DPYS: variants seen among roughly 807,000 people sequenced by gnomAD.
DPYS encodes dihydropyrimidinase.
A neutral mutation model predicts 50.3 loss-of-function variants in DPYS; 39 were observed. The observed-to-expected ratio is 0.78, with a 90% CI of 0.60 to 1.01. The LOEUF (loss-of-function observed/expected upper bound fraction) is 1.01. Ranked by LOEUF, DPYS falls within the 50% of genes least tolerant of loss-of-function variation. DPYS has a pLI of 0.00. For missense variants in DPYS, 659 were observed against 680.9 expected (o/e 0.97, Z 0.36); for synonymous variants, 245 against 250.7 (o/e 0.98, Z 0.22).
At chr8:104,447,588 A>G (rs949484776) in intron 2 of DPYS, 85 bp from the exon 3 acceptor site, 1 of 1,466,800 alleles carries the variant, frequency 6.8e-7, no homozygotes, top group Non-Finnish European at 9.5e-7. Context: ...TTGCATTCGG[A>G]AGAGAACTAA....
At chr8:104,408,943 A>G (rs1435710997) in intron 7 of DPYS, among the ~76,000 whole-genome samples, 1 of 151,628 alleles carries the variant, frequency 6.6e-6, no homozygotes, top group African/African-American at 2.4e-5. Context: ...CCTCCCAGGT[A>G]GCTCGGATTA....
At position 104,426,789 on chromosome 8, in the gene DPYS, G is replaced by A. The variant is rs893186733; in HGVS notation, c.1092+1191C>T. 5.9e-5 allele frequency among the ~76,000 whole-genome samples: 9 copies of A among 152,312 alleles called. No individual in the cohort carries two copies. In the East Asian group the frequency reaches 7.7e-4, roughly 13 times the overall value. ...ACATTTAGTCATGTGATTCTTCTCC[G>A]TCCTCAGGGAGAAGTTTTGTAGTCA... On this transcript the variant is annotated intron_variant, in intron 6 of 9. Transcript: ENST00000351513.
intron 7 of DPYS, among the ~76,000 whole-genome samples, chr8:104,397,362 G>A (rs1469110607): frequency 1.3e-5 from 2 of 152,206 alleles, no homozygotes; most frequent in Non-Finnish European, 2.9e-5. Context: ...CACATGCTAG[G>A]TGCTTTATAA....
intron 7 of DPYS, among the ~76,000 whole-genome samples, chr8:104,405,823 G>GCTGGAGGGGGTGGAGGGGAGCAGCGCC (rs1811978060): frequency 6.6e-6 from 1 of 152,234 alleles, no homozygotes; most frequent in Non-Finnish European, 1.5e-5. Flanking sequence ...GGACATCCAT[G>GCTGGAGGGGGTGGAGGGGAGCAGCGCC]CTGGAGGGGG....
chr8:104,461,245 T>C (rs968957023), intron 1 of DPYS, among the ~76,000 whole-genome samples: 33 of 150,532 alleles, frequency 2.2e-4, no homozygotes, highest in Middle Eastern at 3.4e-3. Flanking sequence ...GTGAGCTGGA[T>C]TGCACCACTG....
chr8:104,461,291 C>CAATAAAATAAAATAA (rs5893688), intron 1 of DPYS, among the ~76,000 whole-genome samples: 8,025 of 110,122 alleles, frequency 0.073, 456 homozygotes, highest in Non-Finnish European at 0.089. Flanking sequence ...GACCCTGTCT[C>CAATAAAATAAAATAA]AATAAAATAA....
At chr8:104,437,578 C>T (rs1381900517) in intron 4 of DPYS, among the ~76,000 whole-genome samples, 2 of 152,144 alleles carry the variant, frequency 1.3e-5, no homozygotes, top group Non-Finnish European at 2.9e-5. Flanking sequence ...AATTCCCTGC[C>T]CCTTTCCTGA....
chr8:104,455,743 A>T (rs574072618), intron 1 of DPYS, among the ~76,000 whole-genome samples: 1 of 152,234 alleles, frequency 6.6e-6, no homozygotes, highest in South Asian at 2.1e-4. Flanking sequence ...GCTTCGGAAC[A>T]TACCAACACT....
rs1028048044 is a variant in DPYS, at chr8:104,424,356, C to T, written c.1126G>A (p.Ala376Thr). ...SGKMDENRFV[A>T]VTSTNAAKIF... ...TTGGCTGCATTTGTGCTGGTAACTG[C>T]CACAAATCTGTTTTCATCCATTTTA... The change falls in exon 7 of 10, where the codon GCA becomes ACA. Residue 376 changes from alanine to threonine, a missense_variant. By Grantham distance (58) the Ala-to-Thr change is moderately conservative (BLOSUM62 0). Coordinates refer to ENST00000351513, the MANE Select transcript of DPYS (RefSeq NM_001385.3). 1.2e-6 allele frequency: 2 copies of T among 1,613,782 alleles called. No homozygotes were observed. Among genetic ancestry groups the T allele is most frequent in the African/African-American group, 2.7e-5 (2 of 74,910 alleles).
chr8:104,415,593 T>G (rs892707536), intron 7 of DPYS, among the ~76,000 whole-genome samples: 2 of 152,134 alleles, frequency 1.3e-5, no homozygotes, highest in African/African-American at 4.8e-5. Context: ...TTTTTTTTTT[T>G]TTAAAGCAAA....
chr8:104,406,375 G>A (rs1045812347), intron 7 of DPYS, among the ~76,000 whole-genome samples: 5 of 152,134 alleles, frequency 3.3e-5, no homozygotes, highest in Non-Finnish European at 5.9e-5. Context: ...TGGAAGTGAC[G>A]CAGCAGCCAT....
At chr8:104,414,244 A>T (rs1332986914) in intron 7 of DPYS, among the ~76,000 whole-genome samples, 1 of 152,164 alleles carries the variant, frequency 6.6e-6, no homozygotes, top group Non-Finnish European at 1.5e-5. Flanking sequence ...AGAGAACTCC[A>T]TTTGGGGGCG....
chr8:104,464,560 C>T (rs1814287192), intron 1 of DPYS, among the ~76,000 whole-genome samples: 1 of 152,200 alleles, frequency 6.6e-6, no homozygotes, highest in South Asian at 2.1e-4. Flanking sequence ...GGATGCCCTG[C>T]CATCAGCAAA....
At chr8:104,445,447 T>C (rs1196318158) in intron 3 of DPYS, among the ~76,000 whole-genome samples, 1 of 152,190 alleles carries the variant, frequency 6.6e-6, no homozygotes, top group Non-Finnish European at 1.5e-5. Context: ...TAAAAAAGAA[T>C]GAGATCCAGT....
At chr8:104,466,620 T>G in intron 1 of DPYS, 37 bp downstream of exon 1, 5 of 1,495,598 alleles carry the variant, frequency 3.3e-6, no homozygotes, top group Non-Finnish European at 4.4e-6. Context: ...CGAGCCTCCG[T>G]GGGTACCGCG....
Position 104,466,985 on chromosome 8 carries a change from G to A in DPYS, c.-65C>T. The stretch of plus-strand genomic sequence containing the variant: ...CGCAGGGGCTGGGTTGGGCGGGCCG[G>A]GCGGGCTTGGGGTGCCCTCCTGCAA... On this transcript the variant is annotated 5_prime_UTR_variant, in exon 1 of 10. Coordinates refer to ENST00000351513, the MANE Select transcript of DPYS (RefSeq NM_001385.3). 7.3e-7 allele frequency: 1 copy of A among 1,365,704 alleles called. No individual in the cohort carries two copies. Among genetic ancestry groups the A allele is most frequent in the Admixed American group, 3.9e-5 (1 of 25,850 alleles). The allele number at this position is 1,365,704 out of a possible 1,614,324, so 84.6% of individuals were successfully genotyped here. A position where few individuals can be genotyped will look rare whatever the true frequency, so the allele number is the denominator to read the frequency against.
At position 104,442,189 on chromosome 8, in the gene DPYS, A is replaced by AT. The variant is rs1289614197; in HGVS notation, c.793+2058dup. ...TTACAGATACAAGAAATAATATTGAATTTTAAAATAATTTACAATAAAATT... is the reference window on the plus strand; with the variant it reads ...TTACAGATACAAGAAATAATATTGAATTTTTAAAATAATTTACAATAAAATT... On this transcript the variant is annotated intron_variant, in intron 4 of 9. Coordinates refer to ENST00000351513, the MANE Select transcript of DPYS (RefSeq NM_001385.3). Among the ~76,000 whole-genome samples the AT allele has an allele frequency of 2.0e-5, 3 of 152,230 alleles. No individual in the cohort carries two copies. In the East Asian group the frequency reaches 5.8e-4, roughly 29 times the overall value.
At chr8:104,403,888 A>C (rs1464529954) in intron 7 of DPYS, among the ~76,000 whole-genome samples, 1 of 152,202 alleles carries the variant, frequency 6.6e-6, no homozygotes, top group Non-Finnish European at 1.5e-5. Flanking sequence ...AGAGAACTTC[A>C]AGTTCTGCAA....
At chr8:104,448,690 T>C (rs1023965780) in intron 2 of DPYS, among the ~76,000 whole-genome samples, 4 of 151,438 alleles carry the variant, frequency 2.6e-5, no homozygotes, top group African/African-American at 9.7e-5. Context: ...TGTTGAAAAA[T>C]GTTGGCAACA....
Sources: gnomAD v4.1 joint callset for allele counts (sites outside exome capture counted in the v4.1 genomes callset) on GRCh38, gnomAD v4.1.1 for gene constraint, MANE v1.5 for transcripts, NCBI Gene and HGNC (gene_info 2026-07-23, HGNC 2026-07-21) for gene names.